Variants in LRRC4C observed in about 807,000 individuals in gnomAD.
The protein encoded by LRRC4C is leucine rich repeat containing 4C.
A neutral mutation model predicts 33.6 loss-of-function variants in LRRC4C; 5 were observed. The ratio of observed to expected loss-of-function variants is 0.15; its 90% CI spans 0.08 to 0.31. The LOEUF is 0.31. LRRC4C is among the 10% of genes least tolerant of loss of function. The pLI is 1.00. For synonymous variants in LRRC4C, 329 were observed against 302.0 expected (o/e 1.09, Z -0.93); for missense variants, 560 against 796.7 (o/e 0.70, Z 3.58).
intron 3 of LRRC4C, among the ~76,000 whole-genome samples, chr11:40,646,646 G>C (rs576827460): frequency 6.6e-6 from 1 of 151,998 alleles, no homozygotes; most frequent in African/African-American, 2.4e-5. Context: ...TTGCTCTGCC[G>C]CCCAGGCCGG....
At chr11:40,640,087 G>A (rs1055248740) in intron 3 of LRRC4C, among the ~76,000 whole-genome samples, 6 of 152,176 alleles carry the variant, frequency 3.9e-5, no homozygotes, top group Non-Finnish European at 7.3e-5. Flanking sequence ...TGTGAAGGTA[G>A]CTTAGAAAAA....
At chr11:40,920,143 G>C (rs112440876) in intron 2 of LRRC4C, among the ~76,000 whole-genome samples, 22 of 152,142 alleles carry the variant, frequency 1.4e-4, no homozygotes, top group African/African-American at 5.3e-4. Flanking sequence ...TAAAAGCAAG[G>C]ATTCATTGAG....
At chr11:41,138,930 C>T (rs1254797087) in intron 1 of LRRC4C, among the ~76,000 whole-genome samples, 1 of 152,046 alleles carries the variant, frequency 6.6e-6, no homozygotes, top group Non-Finnish European at 1.5e-5. Flanking sequence ...CTTTTAAACC[C>T]TAAGAATACC....
At chr11:40,130,599 A>C in intron 6 of LRRC4C, among the ~76,000 whole-genome samples, 1 of 152,182 alleles carries the variant, frequency 6.6e-6, no homozygotes, top group Non-Finnish European at 1.5e-5. Flanking sequence ...TCTACCCACT[A>C]GATGCCAGTA....
chr11:40,897,669 C>T (rs80352658), intron 2 of LRRC4C, among the ~76,000 whole-genome samples: 5,188 of 152,330 alleles, frequency 0.034, 167 homozygotes, highest in South Asian at 0.14. Context: ...AGAAGGAACA[C>T]TTCTGCTAAC....
At chr11:40,196,620 T>G (rs1456681625) in intron 5 of LRRC4C, among the ~76,000 whole-genome samples, 3 of 152,166 alleles carry the variant, frequency 2.0e-5, no homozygotes, top group African/African-American at 7.2e-5. Flanking sequence ...GCAAAGCACA[T>G]ACAATTTGCA....
chr11:41,213,289 A>T (rs1590951016), intron 1 of LRRC4C, among the ~76,000 whole-genome samples: 1 of 152,206 alleles, frequency 6.6e-6, no homozygotes, highest in Non-Finnish European at 1.5e-5. Flanking sequence ...TGATGTGATA[A>T]TATAACAAGT....
intron 1 of LRRC4C, among the ~76,000 whole-genome samples, chr11:41,007,599 G>GTGTC (rs1281075094): frequency 1.3e-5 from 2 of 152,066 alleles, no homozygotes; most frequent in African/African-American, 4.8e-5. Context: ...AGCCAAGTAA[G>GTGTC]TGTCCATCAG....
Position 40,446,415 on chromosome 11 carries a change from T to C in LRRC4C, c.-269-126694A>G, listed in dbSNP as rs532860668. The C allele has an allele frequency of 2.0e-5, 3 of 152,288 alleles. No homozygotes were observed. In the East Asian group the frequency reaches 5.8e-4, roughly 29 times the overall value. The allele number at this position is 152,288 out of a possible 1,614,324, so 9.4% of individuals were successfully genotyped here. ...ATTATTTACATTCAGATTTAAGATA[T>C]AGTTTGTGCTAAAATTATACGTTTC... On this transcript the variant is annotated intron_variant, in intron 3 of 6. Coordinates refer to ENST00000528697, the MANE Select transcript of LRRC4C (RefSeq NM_001258419.2).
intron 3 of LRRC4C, among the ~76,000 whole-genome samples, chr11:40,596,186 G>T (rs1959272449): frequency 6.6e-6 from 1 of 152,140 alleles, no homozygotes; most frequent in Admixed American, 6.5e-5. Flanking sequence ...AACTCATGGC[G>T]CAAGGCTAGG....
chr11:40,819,894 A>C (rs1464092735), intron 2 of LRRC4C, among the ~76,000 whole-genome samples: 1 of 152,066 alleles, frequency 6.6e-6, no homozygotes, highest in African/African-American at 2.4e-5. Flanking sequence ...TAAAATCAAG[A>C]ATTAATTTTA....
At chr11:40,961,498 C>T (rs1424238231) in intron 1 of LRRC4C, among the ~76,000 whole-genome samples, 3 of 151,646 alleles carry the variant, frequency 2.0e-5, no homozygotes, top group African/African-American at 7.3e-5. Flanking sequence ...TCTTTCATGA[C>T]TTTTAAAATA....
chr11:40,577,895 G>A (rs1056227231), intron 3 of LRRC4C, among the ~76,000 whole-genome samples: 70 of 145,014 alleles, frequency 4.8e-4, no homozygotes, highest in African/African-American at 1.8e-3. Context: ...GAGTGCAGTG[G>A]TGCGATCTTG....
At chr11:40,155,669 C>T (rs1032727733) in intron 5 of LRRC4C, among the ~76,000 whole-genome samples, 1 of 151,860 alleles carries the variant, frequency 6.6e-6, no homozygotes, top group African/African-American at 2.4e-5. Flanking sequence ...AATCAGATAC[C>T]CTGAACAGAC....
intron 5 of LRRC4C, among the ~76,000 whole-genome samples, chr11:40,145,894 A>G (rs985790914): frequency 6.6e-6 from 1 of 152,234 alleles, no homozygotes; most frequent in Non-Finnish European, 1.5e-5. Context: ...GGCATATACC[A>G]GGAAATGAAT....
chr11:40,543,659 C>T (rs1874291), intron 3 of LRRC4C, among the ~76,000 whole-genome samples: 14,211 of 152,038 alleles, frequency 0.093, 790 homozygotes, highest in Middle Eastern at 0.15. Flanking sequence ...GAGTTTCTTA[C>T]GGGAGTCCAT....
At chr11:40,692,110 C>T (rs1367513667) in intron 2 of LRRC4C, among the ~76,000 whole-genome samples, 1 of 151,950 alleles carries the variant, frequency 6.6e-6, no homozygotes, top group Admixed American at 6.6e-5. Context: ...ATCTCATAAA[C>T]CAGAAATGTG....
chr11:41,064,912 C>T (rs1447434273), intron 1 of LRRC4C, among the ~76,000 whole-genome samples: 3 of 152,050 alleles, frequency 2.0e-5, no homozygotes, highest in South Asian at 2.1e-4. Flanking sequence ...TTTCGCAGTC[C>T]GCGGATCAGA....
At chr11:40,131,799 C>T (rs887164020) in intron 6 of LRRC4C, among the ~76,000 whole-genome samples, 1 of 152,010 alleles carries the variant, frequency 6.6e-6, no homozygotes, top group Non-Finnish European at 1.5e-5. Flanking sequence ...AGTTAAAGTC[C>T]GTATATGGAG....
Sources: allele counts gnomAD v4.1 joint callset (sites outside exome capture counted in the v4.1 genomes callset), GRCh38; gene constraint gnomAD v4.1.1; transcripts MANE v1.5; gene names NCBI Gene and HGNC (gene_info 2026-07-23, HGNC 2026-07-21).